The following CHD8 variants were observed in gnomAD, a reference collection of about 807,000 sequenced individuals.
CHD8 encodes ATP-dependent chromatin remodeler CHD8.
In CHD8, 31 loss-of-function variants were observed where a neutral mutation model predicts 279.2. That is an observed-to-expected ratio of 0.11 (90% CI 0.08 to 0.15). The LOEUF (loss-of-function observed/expected upper bound fraction) is 0.15. CHD8 is among the 10% of genes least tolerant of loss of function. The probability of loss-of-function intolerance (pLI) is 1.00; values close to 1 mark genes in which losing one functional copy is unlikely to be tolerated. For synonymous variants in CHD8, 1,081 were observed against 1,139.6 expected, an observed-to-expected ratio of 0.95 and a Z score of 1.04; for missense variants, 2,146 against 3,230.5, an observed-to-expected ratio of 0.66 and a Z score of 8.14.
intron 10 of CHD8, among the ~76,000 whole-genome samples, chr14:21,412,371 C>G (rs550962140): frequency 6.6e-6 from 1 of 152,062 alleles, no homozygotes; most frequent in African/African-American, 2.4e-5. Context: ...GTCTCAAACT[C>G]CCAACCTCGT....
chr14:21,443,077 A>C (rs1012808959), intron 1 of CHD8, among the ~76,000 whole-genome samples: 3 of 152,186 alleles, frequency 2.0e-5, no homozygotes, highest in African/African-American at 7.2e-5. Flanking sequence ...AAGAAAACTA[A>C]ACACTATGCA....
At chr14:21,438,928 ACCAGCTTGG>A (rs1889887071) in intron 1 of CHD8, among the ~76,000 whole-genome samples, 1 of 152,286 alleles carries the variant, frequency 6.6e-6, no homozygotes, top group South Asian at 2.1e-4. Context: ...GGAGTTTGAG[ACCAGCTTGG>A]CCAACATAGC....
At chr14:21,443,149 T>A (rs1472467504) in intron 1 of CHD8, among the ~76,000 whole-genome samples, 1 of 152,122 alleles carries the variant, frequency 6.6e-6, no homozygotes, top group African/African-American at 2.4e-5. Context: ...CCCAGCACTT[T>A]GGGAGGCCGA....
intron 10 of CHD8, among the ~76,000 whole-genome samples, 181 bp from the exon 11 acceptor site, chr14:21,410,169 AT>A (rs1233588743): frequency 1.3e-5 from 2 of 152,210 alleles, no homozygotes; most frequent in Non-Finnish European, 2.9e-5. Context: ...GGCTTTGATC[AT>A]TCTTCAAAGC....
At position 21,395,806 on chromosome 14, in the gene CHD8, G is replaced by T; in HGVS notation, c.5127+11C>A. Reference sequence around the variant, plus strand: ...ATAGAGAAAAGTGAGACTCAAATGAGAATTCCTTACCTCATCATCTTGGTC... The same window carrying T: ...ATAGAGAAAAGTGAGACTCAAATGATAATTCCTTACCTCATCATCTTGGTC... On this transcript the variant is annotated intron_variant, in intron 28 of 37. Transcript: ENST00000646647. 1 of 1,535,174 alleles carries T rather than the reference G, an allele frequency of 6.5e-7. No homozygotes were observed. Among genetic ancestry groups the T allele is most frequent in the South Asian group, 1.2e-5 (1 of 86,650 alleles).
chr14:21,453,284 C>T (rs1002315186), intron 1 of CHD8, among the ~76,000 whole-genome samples: 4 of 151,606 alleles, frequency 2.6e-5, no homozygotes, highest in Non-Finnish European at 4.4e-5. Context: ...GGTGAAACCC[C>T]GTCTCTACTA....
At chr14:21,436,633 A>G (rs892705741) in intron 1 of CHD8, among the ~76,000 whole-genome samples, 1 of 152,174 alleles carries the variant, frequency 6.6e-6, no homozygotes, top group Non-Finnish European at 1.5e-5. Flanking sequence ...CTGTTTTCCA[A>G]TTACTGAAAG....
At chr14:21,410,466 TAAAG>T (rs1468771140) in intron 10 of CHD8, among the ~76,000 whole-genome samples, 1 of 152,056 alleles carries the variant, frequency 6.6e-6, no homozygotes, top group Non-Finnish European at 1.5e-5. Flanking sequence ...TACATGGTGA[TAAAG>T]AAATGTCCTT....
At position 21,451,835 on chromosome 14, in the gene CHD8, C is replaced by T. The variant is rs116453332; in HGVS notation, c.-216+4197G>A. ...TAATAAAAGGGCAAAAGAAATGTTA[C>T]CTAGAGAACAGCTTAATGAGAAACG... On this transcript the variant is annotated intron_variant, in intron 1 of 37. Coordinates refer to ENST00000646647, the MANE Select transcript of CHD8 (RefSeq NM_001170629.2). Among the ~76,000 whole-genome samples the T allele has an allele frequency of 2.0e-3, 298 of 152,150 alleles. 1 individual carries two copies. The highest frequency in any genetic ancestry group is 6.8e-3 in the African/African-American group (281 of 41,502).
chr14:21,389,675 G>A (rs569902491), intron 37 of CHD8, among the ~76,000 whole-genome samples: 1 of 152,274 alleles, frequency 6.6e-6, no homozygotes, highest in East Asian at 1.9e-4. Flanking sequence ...ATAGCCAAGA[G>A]AAACTTTTGC....
chr14:21,418,141 T>C (rs1381951060), intron 5 of CHD8, among the ~76,000 whole-genome samples: 1 of 152,068 alleles, frequency 6.6e-6, no homozygotes, highest in Non-Finnish European at 1.5e-5. Flanking sequence ...GCCTTTCTCA[T>C]TGATGTGTGG....
rs61729945 is a variant in CHD8 at position 21,395,823 on chromosome 14, A to G, written c.5121T>C (p.Asp1707=). 1,224 of 1,597,418 alleles carry G rather than the reference A, an allele frequency of 7.7e-4. 10 individuals carry two copies. The African/African-American group carries it at 0.014, about 18-fold the overall frequency. The part of the protein sequence containing the change: ...KPLQGPPKDQ[D]DEGDPLMMMD... ...TCAAATGAGAATTCCTTACCTCATCATCTTGGTCCTTTGGGGGACCTTGGA... is the reference window on the plus strand; with the variant it reads ...TCAAATGAGAATTCCTTACCTCATCGTCTTGGTCCTTTGGGGGACCTTGGA... The change falls in exon 28 of 38, where the codon GAT becomes GAC. Residue 1707 remains aspartate (D), a synonymous_variant. Transcript: ENST00000646647.
chr14:21,391,986 C>G, intron 34 of CHD8, 40 bp from the exon 35 acceptor site: 1 of 1,392,632 alleles, frequency 7.2e-7, no homozygotes, highest in Non-Finnish European at 1.0e-6. Flanking sequence ...TCATATGGTA[C>G]ATGTTTTTCA....
At chr14:21,447,943 G>A (rs1419331220) in intron 1 of CHD8, among the ~76,000 whole-genome samples, 3 of 152,066 alleles carry the variant, frequency 2.0e-5, no homozygotes, top group Non-Finnish European at 4.4e-5. Context: ...CTGGGCCAAT[G>A]TTCACCTTAT....
rs1453958136 is a variant in CHD8 at position 21,431,018 on chromosome 14, G to A, written c.626C>T (p.Thr209Ile). 1.9e-6 allele frequency: 3 copies of A among 1,599,490 alleles called. No individual in the cohort carries two copies. Among genetic ancestry groups the A allele is most frequent in the Non-Finnish European group, 2.5e-6 (3 of 1,179,764 alleles). The change falls in exon 2 of 38, where the codon ACA becomes ATA. Residue 209 changes from threonine (T) to isoleucine (I), a missense_variant. Transcript: ENST00000646647. ...AATGGAAACACCTGGTCGAAGGGGT[G>A]TGCCGGTTAGCACTTTGGTAAAAGT... ...KVTFTKVLTG[T>I]PLRPGVSIVS...
intron 1 of CHD8, among the ~76,000 whole-genome samples, chr14:21,441,988 A>G (rs1028415525): frequency 1.3e-5 from 2 of 152,254 alleles, no homozygotes; most frequent in Admixed American, 6.5e-5. Context: ...TATGAGCCTA[A>G]AAGTCTGGCT....
rs544786913 is a variant in CHD8 at position 21,434,741 on chromosome 14, T to C, written c.-215-2883A>G. On this transcript the variant is annotated intron_variant, in intron 1 of 37. Coordinates refer to ENST00000646647, the MANE Select transcript of CHD8 (RefSeq NM_001170629.2). ...ATACTGACCCAATTCATCTCATATT[T>C]TTATGCTAGTTTCCTACTTCTTTTC... 2.4e-4 allele frequency among the ~76,000 whole-genome samples: 36 copies of C among 152,324 alleles called. No individual in the cohort carries two copies. In the South Asian group the frequency reaches 6.8e-3, roughly 29 times the overall value.
Position 21,399,671 on chromosome 14 carries a change from G to A in CHD8, c.4852C>T (p.Leu1618=). 1 of 1,613,630 alleles carries A rather than the reference G, an allele frequency of 6.2e-7. No individual in the cohort carries two copies. The highest frequency in any genetic ancestry group is 8.5e-7 in the Non-Finnish European group (1 of 1,179,578). The change falls in exon 26 of 38, where the codon CTG becomes TTG. Residue 1618 remains leucine (L), a synonymous_variant. Transcript: ENST00000646647. ...IDIWFPVVDQ[L]EVPTTWWDSE... ...TCCCACCAAGTTGTTGGAACCTCCA[G>A]TTGATCCACTACTGGGAACCATATG... is the stretch of plus-strand genomic sequence containing the variant.
intron 8 of CHD8, 190 bp from the exon 9 acceptor site, chr14:21,414,608 C>A: frequency 3.4e-6 from 2 of 592,260 alleles, no homozygotes; most frequent in Non-Finnish European, 3.0e-6. Context: ...TGCTTGAAAG[C>A]CCACATTTTT....
Sources: allele counts gnomAD v4.1 joint callset (sites outside exome capture counted in the v4.1 genomes callset), GRCh38; gene constraint gnomAD v4.1.1; transcripts MANE v1.5; gene names NCBI Gene and HGNC (gene_info 2026-07-23, HGNC 2026-07-21).